The following CCDC141 variants were observed in gnomAD, a reference collection of about 807,000 sequenced individuals.
The protein encoded by CCDC141 is coiled-coil domain-containing protein 141.
A neutral mutation model predicts 181.0 loss-of-function variants in CCDC141; 168 were observed. The ratio of observed to expected loss-of-function variants is 0.93; its 90% CI spans 0.82 to 1.05. The LOEUF (loss-of-function observed/expected upper bound fraction) is 1.05, where lower values mean the gene tolerates loss of function less well. Among genes scored for constraint, CCDC141 ranks in the 50% least tolerant of loss-of-function variants. The pLI, the probability that CCDC141 is intolerant of heterozygous loss-of-function variation, is 0.00. For synonymous variants in CCDC141, 666 were observed against 642.3 expected (o/e 1.04, Z -0.56); for missense variants, 1,902 against 1,788.5 (o/e 1.06, Z -1.14).
the CCDC141 span, among the ~76,000 whole-genome samples, chr2:178,820,086 T>C: frequency 3.9e-5 from 6 of 152,250 alleles, no homozygotes; most frequent in African/African-American, 1.2e-4. Context: ...TAAGCCATCA[T>C]TTCCTGCAGT....
At chr2:179,015,264 C>CAT (rs57926916) in intron 2 of CCDC141, among the ~76,000 whole-genome samples, 108,719 of 129,844 alleles carry the variant, frequency 0.84, 46,030 homozygotes, top group East Asian at 0.94. Context: ...TCATATATAT[C>CAT]ATATATATCT....
At chr2:179,025,002 C>T (rs2042793308) in intron 2 of CCDC141, among the ~76,000 whole-genome samples, 1 of 152,010 alleles carries the variant, frequency 6.6e-6, no homozygotes, top group Non-Finnish European at 1.5e-5. Context: ...TTTTTAAGTT[C>T]CTCAGTTGAT....
At chr2:178,934,683 A>G (rs554133195) in intron 6 of CCDC141, among the ~76,000 whole-genome samples, 1 of 152,174 alleles carries the variant, frequency 6.6e-6, no homozygotes, top group Non-Finnish European at 1.5e-5. Context: ...CCAGTAAGAA[A>G]TGATAGAGGC....
chr2:179,019,060 C>T (rs2042624566), intron 2 of CCDC141, among the ~76,000 whole-genome samples: 1 of 152,180 alleles, frequency 6.6e-6, no homozygotes, highest in African/African-American at 2.4e-5. Context: ...AAGTTCAGAG[C>T]ATTGCTTTTT....
At chr2:178,897,809 T>C (rs957331396) in intron 8 of CCDC141, among the ~76,000 whole-genome samples, 1 of 152,140 alleles carries the variant, frequency 6.6e-6, no homozygotes, top group African/African-American at 2.4e-5. Flanking sequence ...AAAAATGAGG[T>C]CCTCATTTTT....
chr2:179,035,630 T>A (rs1027730315), intron 2 of CCDC141, among the ~76,000 whole-genome samples: 2 of 152,204 alleles, frequency 1.3e-5, no homozygotes, highest in Admixed American at 1.3e-4. Flanking sequence ...TGATTGACTG[T>A]TGGATTTCAG....
In CCDC141 at chr2:179,019,304, G is replaced by A. The variant is rs1004519760; in HGVS notation, c.225+27980C>T. ...TTCACGGTCTACGTTGCTGATAAGT[G>A]AAGCACCTTTATATTTATAAAAAAA... On this transcript the variant is annotated intron_variant, in intron 2 of 23. Coordinates refer to ENST00000443758, the MANE Select transcript of CCDC141 (RefSeq NM_173648.4). Among the ~76,000 whole-genome samples, 4 of 152,056 alleles carry A rather than the reference G, an allele frequency of 2.6e-5. No individual in the cohort carries two copies. The South Asian group carries it at 8.3e-4, about 32-fold the overall frequency.
intron 3 of CCDC141, 100 bp downstream of exon 3, chr2:178,978,384 T>A: frequency 3.8e-6 from 3 of 779,450 alleles, no homozygotes; most frequent in East Asian, 3.3e-5. Context: ...GCCATTTTTT[T>A]AACTGCTTGC....
intron 11 of CCDC141, among the ~76,000 whole-genome samples, chr2:178,884,607 C>A (rs936455190): frequency 6.6e-6 from 1 of 152,150 alleles, no homozygotes; most frequent in Non-Finnish European, 1.5e-5. Flanking sequence ...TGCCCTTTCT[C>A]CTTTAAATAC....
At position 179,023,713 on chromosome 2, in the gene CCDC141, A is replaced by G. The variant is rs371266404; in HGVS notation, c.225+23571T>C. Among the ~76,000 whole-genome samples the G allele has an allele frequency of 4.5e-4, 69 of 152,310 alleles. 1 individual carries two copies. In the South Asian group the frequency reaches 0.011, roughly 25 times the overall value. On this transcript the variant is annotated intron_variant, in intron 2 of 23. Coordinates refer to ENST00000443758, the MANE Select transcript of CCDC141 (RefSeq NM_173648.4). ...GAAAACTTACACTCTTATGAGAAAT[A>G]TATACATATGTAAAAATATAAGCAA...
chr2:178,891,132 C>T (rs758308507), intron 8 of CCDC141, among the ~76,000 whole-genome samples: 1 of 152,166 alleles, frequency 6.6e-6, no homozygotes, highest in Non-Finnish European at 1.5e-5. Context: ...ATTAGTTATA[C>T]ATGTTACCTT....
intron 2 of CCDC141, among the ~76,000 whole-genome samples, chr2:178,986,145 T>C (rs566742783): frequency 6.6e-6 from 1 of 152,308 alleles, no homozygotes; most frequent in Non-Finnish European, 1.5e-5. Flanking sequence ...ATCCCTGGGA[T>C]GGAAGGCTGG....
chr2:179,004,232 A>G (rs1462580037), intron 2 of CCDC141, among the ~76,000 whole-genome samples: 1 of 152,188 alleles, frequency 6.6e-6, no homozygotes, highest in Non-Finnish European at 1.5e-5. Flanking sequence ...AGATACTGAT[A>G]TATTCCTCTC....
intron 2 of CCDC141, among the ~76,000 whole-genome samples, chr2:179,016,241 G>A (rs530696165): frequency 5.5e-4 from 83 of 151,492 alleles, no homozygotes; most frequent in African/African-American, 1.7e-3. Flanking sequence ...AATATGATGC[G>A]GTGTATACTG....
In CCDC141 at chr2:178,881,933, A is replaced by T. The variant is rs879570933; in HGVS notation, c.1719+2968T>A. Among the ~76,000 whole-genome samples, 445 of 150,612 alleles carry T rather than the reference A, an allele frequency of 3.0e-3. 2 individuals are homozygous for T. Among genetic ancestry groups the T allele is most frequent in the Middle Eastern group, 6.8e-3 (2 of 294 alleles). ...CTCTCTCTCACACACACACACACAC[A>T]CACACACACACACACACACACACAC... On this transcript the variant is annotated intron_variant, in intron 11 of 23. Transcript: ENST00000443758.
Position 179,015,732 on chromosome 2 carries a change from CAT to C in CCDC141, c.225+31550_225+31551del, listed in dbSNP as rs538759121. On this transcript the variant is annotated intron_variant, in intron 2 of 23. Coordinates refer to ENST00000443758, the MANE Select transcript of CCDC141 (RefSeq NM_173648.4). ...TCTCATACATATCTCATATATATCT[CAT>C]ATATATATCTTATATATATCTCATA... 5.4e-3 allele frequency among the ~76,000 whole-genome samples: 707 copies of C among 131,840 alleles called. 10 individuals carry two copies. The highest frequency in any genetic ancestry group is 0.014 in the African/African-American group (506 of 36,306). 86.5% of individuals were successfully genotyped at this position (131,840 alleles called of 152,430 possible). A position where few individuals can be genotyped will look rare whatever the true frequency, so the allele number is the denominator to read the frequency against.
chr2:178,897,446 A>G (rs1470775122), intron 8 of CCDC141, among the ~76,000 whole-genome samples: 2 of 152,230 alleles, frequency 1.3e-5, no homozygotes, highest in Non-Finnish European at 2.9e-5. Context: ...GCAAAATCCA[A>G]TTAACTCCTG....
intron 17 of CCDC141, among the ~76,000 whole-genome samples, chr2:178,862,496 T>C (rs1168698146): frequency 6.6e-6 from 1 of 152,268 alleles, no homozygotes; most frequent in African/African-American, 2.4e-5. Context: ...TAAAGAATGA[T>C]GTTTCTGTGT....
chr2:178,886,961 A>T (rs899777565), intron 9 of CCDC141, 90 bp from the exon 10 acceptor site: 21 of 726,098 alleles, frequency 2.9e-5, no homozygotes, highest in East Asian at 1.4e-4. Flanking sequence ...ATTATTTTAT[A>T]GATTCTCATT....
Sources: allele counts gnomAD v4.1 joint callset (sites outside exome capture counted in the v4.1 genomes callset), GRCh38; gene constraint gnomAD v4.1.1; transcripts MANE v1.5; gene names NCBI Gene and HGNC (gene_info 2026-07-23, HGNC 2026-07-21).